RPL5: variants seen among roughly 807,000 people sequenced by gnomAD.
RPL5 encodes large ribosomal subunit protein uL18.
RPL5 carries 1 observed loss-of-function variant against 38.4 expected under a neutral mutation model. The ratio of observed to expected loss-of-function variants is 0.03; its 90% CI spans 0.01 to 0.12. The LOEUF (loss-of-function observed/expected upper bound fraction) is 0.12. RPL5 is among the 10% of genes least tolerant of loss of function. RPL5 has a pLI of 1.00. For synonymous variants in RPL5, 109 were observed against 121.2 expected (o/e 0.90, Z 0.66); for missense variants, 243 against 374.1 (o/e 0.65, Z 2.89).
chr1:92,841,802 G>A lies in RPL5; in HGVS notation c.831G>A (p.Lys277=), dbSNP rs758483322. The A allele has an allele frequency of 1.2e-6, 2 of 1,611,756 alleles. No homozygotes were observed. Among genetic ancestry groups the A allele is most frequent in the South Asian group, 2.2e-5 (2 of 90,974 alleles). ...NRPKMSLAQK[K]DRVAQKKASF... is the part of the protein sequence containing the mutation. The stretch of plus-strand genomic sequence containing the variant: ...CCAAAATGTCCCTTGCTCAGAAGAA[G>A]GATCGGGTAGCTCAAAAGAAGGCAA... The change falls in exon 8 of 8, where the codon AAG becomes AAA. Residue 277 remains lysine, a synonymous_variant. Coordinates refer to ENST00000370321, the MANE Select transcript of RPL5 (RefSeq NM_000969.5).
Position 92,836,674 on chromosome 1 carries a change from T to A in RPL5, c.527+282T>A, listed in dbSNP as rs913889987. 2.3e-5 allele frequency: 9 copies of A among 399,866 alleles called. No individual in the cohort carries two copies. The Admixed American group carries it at 3.1e-4, about 14-fold the overall frequency. The allele number at this position is 399,866 out of a possible 1,614,324, so 24.8% of individuals were successfully genotyped here. ...CTTTTGCATATGACTTAATTCTTAT[T>A]AGAAATGAGCAACTCCATCCTCTTT... On this transcript the variant is annotated intron_variant, in intron 5 of 7. Coordinates refer to ENST00000370321, the MANE Select transcript of RPL5 (RefSeq NM_000969.5).
chr1:92,835,139 G>C, intron 4 of RPL5: 1 of 599,926 alleles, frequency 1.7e-6, no homozygotes, highest in Admixed American at 2.8e-5. Context: ...TGCCACTAGC[G>C]ACCTGCAGCT....
At chr1:92,832,280 C>T (rs1686938158) in intron 1 of RPL5, 163 bp downstream of exon 1, 4 of 1,161,034 alleles carry the variant, frequency 3.4e-6, no homozygotes, top group East Asian at 2.6e-5. Flanking sequence ...CCTTAAATGG[C>T]TGCCGCCCGG....
chr1:92,838,122 C>A (rs1687198217), intron 6 of RPL5, among the ~76,000 whole-genome samples: 1 of 152,090 alleles, frequency 6.6e-6, no homozygotes, highest in Non-Finnish European at 1.5e-5. Context: ...CATTCCTGAC[C>A]CAGGTTCTTT....
intron 5 of RPL5, 41 bp downstream of exon 5, chr1:92,836,433 A>AC (rs1687130309): frequency 6.4e-7 from 1 of 1,568,204 alleles, no homozygotes; most frequent in Non-Finnish European, 8.8e-7. Flanking sequence ...GGACCGTGGT[A>AC]CTTCCCTGTT....
chr1:92,833,364 T>G, intron 1 of RPL5, 25 bp from the exon 2 acceptor site: 1 of 1,577,382 alleles, frequency 6.3e-7, no homozygotes, highest in South Asian at 1.1e-5. Flanking sequence ...CATCAAAGTT[T>G]TAATAACATT....
Position 92,841,901 on chromosome 1 carries a change from T to A in RPL5, c.*36T>A, listed in dbSNP as rs1189985636. The stretch of plus-strand genomic sequence containing the variant: ...TTTCTATGATTTTTTCAGATATAGA[T>A]AATAAACTTATGAACAGCAACTATT... On this transcript the variant is annotated 3_prime_UTR_variant, in exon 8 of 8. Transcript: ENST00000370321. 2.0e-6 allele frequency: 3 copies of A among 1,483,678 alleles called. No homozygotes were observed. Among genetic ancestry groups the A allele is most frequent in the Middle Eastern group, 4.1e-4 (2 of 4,830 alleles). The allele number at this position is 1,483,678 out of a possible 1,614,324, so 91.9% of individuals were successfully genotyped here.
At chr1:92,833,243 G>C (rs1686982457) in intron 1 of RPL5, 146 bp from the exon 2 acceptor site, 1 of 700,190 alleles carries the variant, frequency 1.4e-6, no homozygotes, top group African/African-American at 1.8e-5. Flanking sequence ...CTTGACCCTA[G>C]TTGCTTGTGA....
chr1:92,836,672 AT>A (rs1687142676), intron 5 of RPL5: 1 of 398,370 alleles, frequency 2.5e-6, no homozygotes. Flanking sequence ...CTTAATTCTT[AT>A]TAGAAATGAG....
chr1:92,841,675 C>A, intron 7 of RPL5, 91 bp from the exon 8 acceptor site: 1 of 764,548 alleles, frequency 1.3e-6, no homozygotes, highest in Non-Finnish European at 2.0e-6. Context: ...TAAATATTCT[C>A]TATCAAAATT....
rs1367126853 is a variant in RPL5, at chr1:92,833,876, C to G, written c.189+216C>G. On this transcript the variant is annotated intron_variant, in intron 3 of 7. Transcript: ENST00000370321. ...GCTCATGCCTGTAATCCCAGCACTT[C>G]GGGAAGATTGCTTGAGCCCAGGAGT... is the stretch of plus-strand genomic sequence containing the variant. 2.4e-5 allele frequency: 13 copies of G among 550,556 alleles called. No individual in the cohort carries two copies. The East Asian group carries it at 3.5e-4, about 15-fold the overall frequency. The allele number at this position is 550,556 out of a possible 1,614,324, so 34.1% of individuals were successfully genotyped here. A position where few individuals can be genotyped will look rare whatever the true frequency, so the allele number is the denominator to read the frequency against.
At chr1:92,832,007 C>T, upstream of RPL5, 1 of 1,545,360 alleles carries the variant, frequency 6.5e-7, no homozygotes. Context: ...TGACCGTCCG[C>T]GCTACATACT....
intron 5 of RPL5, chr1:92,837,054 G>C (rs1687158642): frequency 6.7e-6 from 2 of 299,624 alleles, no homozygotes; most frequent in Admixed American, 5.0e-5. Flanking sequence ...GGAGTTAGTT[G>C]CAAGTACACC....
chr1:92,835,125 GT>G, intron 4 of RPL5: 1 of 650,258 alleles, frequency 1.5e-6, no homozygotes. Flanking sequence ...CTGTCCAGTG[GT>G]TTTGCCACTA....
At chr1:92,841,735 T>A in intron 7 of RPL5, 31 bp from the exon 8 acceptor site, 1 of 1,453,758 alleles carries the variant, frequency 6.9e-7, no homozygotes, top group African/African-American at 1.4e-5. Context: ...TCAGTTATAG[T>A]TTAAAAAATA....
Position 92,834,311 on chromosome 1 carries a change from C to T in RPL5, c.190-468C>T, listed in dbSNP as rs916334319. Among the ~76,000 whole-genome samples the T allele has an allele frequency of 6.6e-5, 10 of 152,150 alleles. No homozygotes were observed. The South Asian group carries it at 1.4e-3, about 22-fold the overall frequency. On this transcript the variant is annotated intron_variant, in intron 3 of 7. Transcript: ENST00000370321. ...TAATAAAATGTACAAAGGTGGCTCC[C>T]GCATGAAAGACCTTTAGGAAGTGTC...
chr1:92,838,164 A>G (rs1687199468), intron 6 of RPL5, among the ~76,000 whole-genome samples: 1 of 152,230 alleles, frequency 6.6e-6, no homozygotes, highest in Non-Finnish European at 1.5e-5. Context: ...CTATTTTGGC[A>G]TAGCTATTGG....
At chr1:92,833,979 G>C (rs1196471808) in intron 3 of RPL5, 9 of 351,274 alleles carry the variant, frequency 2.6e-5, no homozygotes, top group Non-Finnish European at 4.9e-5. Flanking sequence ...ATGGCGGGGC[G>C]CACCTGTAGT....
chr1:92,833,057 T>C (rs1485235202), intron 1 of RPL5: 1 of 729,968 alleles, frequency 1.4e-6, no homozygotes. Flanking sequence ...AATATGGAAA[T>C]TGAAAGCGTT....
Sources: gnomAD v4.1 joint callset for allele counts (sites outside exome capture counted in the v4.1 genomes callset) on GRCh38, gnomAD v4.1.1 for gene constraint, MANE v1.5 for transcripts, NCBI Gene and HGNC (gene_info 2026-07-23, HGNC 2026-07-21) for gene names.